SCFD1: variants seen among roughly 807,000 people sequenced by gnomAD.
SCFD1 encodes sec1 family domain containing 1, also known as sec1 family domain-containing protein 1.
In SCFD1, 37 loss-of-function variants were observed where a neutral mutation model predicts 103.2. The ratio of observed to expected loss-of-function variants is 0.36; its 90% confidence interval spans 0.28 to 0.47. The LOEUF is 0.47. SCFD1 is among the 20% of genes least tolerant of loss of function. The pLI, the probability that SCFD1 is intolerant of heterozygous loss-of-function variation, is 1.00. For missense variants in SCFD1, 639 were observed against 761.2 expected, an observed-to-expected ratio of 0.84 and a Z score of 1.89; for synonymous variants, 264 against 245.0, an observed-to-expected ratio of 1.08 and a Z score of -0.73.
rs114869481 is a variant in SCFD1 at position 30,657,074 on chromosome 14, A to G, written c.855+3486A>G. 5.2e-3 allele frequency among the ~76,000 whole-genome samples: 799 copies of G among 152,242 alleles called. 9 individuals are homozygous for G. Among genetic ancestry groups the G allele is most frequent in the African/African-American group, 0.018 (733 of 41,544 alleles). ...AAGTGTCTTAATAAGAGCATAGCAT[A>G]CAGATCACGGGTGCCTCATCACACC... On this transcript the variant is annotated intron_variant, in intron 10 of 24. Transcript: ENST00000458591.
At chr14:30,667,669 C>G (rs1888124717) in intron 10 of SCFD1, among the ~76,000 whole-genome samples, 1 of 152,198 alleles carries the variant, frequency 6.6e-6, no homozygotes, top group African/African-American at 2.4e-5. Context: ...ATTGTCTCAG[C>G]CCAGAATCTC....
intron 6 of SCFD1, among the ~76,000 whole-genome samples, chr14:30,642,147 G>A (rs571467102): frequency 3.3e-4 from 50 of 152,114 alleles, no homozygotes; most frequent in African/African-American, 1.0e-3. Context: ...GAGTGCAGTG[G>A]TATGATCTCA....
At chr14:30,732,088 A>G (rs11628284) in intron 23 of SCFD1, among the ~76,000 whole-genome samples, 11,923 of 152,226 alleles carry the variant, frequency 0.078, 762 homozygotes, top group African/African-American at 0.17. Context: ...TGTCAAAGAC[A>G]AAAGGCATTT....
At chr14:30,726,897 A>G (rs1893080523) in intron 23 of SCFD1, among the ~76,000 whole-genome samples, 3 of 152,202 alleles carry the variant, frequency 2.0e-5, no homozygotes, top group African/African-American at 7.2e-5. Flanking sequence ...GTTTCTGCCC[A>G]AATTGGTTTA....
chr14:30,635,749 C>T (rs141440974), intron 4 of SCFD1, among the ~76,000 whole-genome samples: 3 of 152,052 alleles, frequency 2.0e-5, no homozygotes, highest in Non-Finnish European at 2.9e-5. Context: ...GACATGTTTT[C>T]AATTCTCTTG....
chr14:30,623,161 A>G (rs1405787913), intron 1 of SCFD1, among the ~76,000 whole-genome samples: 1 of 152,184 alleles, frequency 6.6e-6, no homozygotes, highest in Admixed American at 6.5e-5. Context: ...GCTACAAACT[A>G]AAGGTTTATA....
chr14:30,694,705 A>C lies in SCFD1; in HGVS notation c.1243-68A>C, dbSNP rs899050148. ...TTGATCATAGAAAATAGAAACTTAT[A>C]AGGTGAGTAGATCATTATGTATTTT... On this transcript the variant is annotated intron_variant, in intron 14 of 24. Coordinates refer to ENST00000458591, the MANE Select transcript of SCFD1 (RefSeq NM_016106.4). 2.6e-5 allele frequency: 39 copies of C among 1,492,914 alleles called. No individual in the cohort carries two copies. The African/African-American group carries it at 5.5e-4, about 21-fold the overall frequency. The allele number at this position is 1,492,914 out of a possible 1,614,324, so 92.5% of individuals were successfully genotyped here. A position where few individuals can be genotyped will look rare whatever the true frequency, so the allele number is the denominator to read the frequency against.
intron 23 of SCFD1, among the ~76,000 whole-genome samples, chr14:30,725,622 T>G (rs1271499535): frequency 6.6e-6 from 1 of 152,176 alleles, no homozygotes; most frequent in Non-Finnish European, 1.5e-5. Context: ...TAGGATCATG[T>G]CATCTGCATA....
chr14:30,699,891 C>G (rs1019473875), intron 15 of SCFD1, among the ~76,000 whole-genome samples: 1 of 152,186 alleles, frequency 6.6e-6, no homozygotes, highest in Non-Finnish European at 1.5e-5. Context: ...TGCTTATATC[C>G]TTTCCTTTCA....
intron 23 of SCFD1, among the ~76,000 whole-genome samples, chr14:30,724,355 C>T (rs550216416): frequency 4.1e-5 from 6 of 145,924 alleles, no homozygotes; most frequent in South Asian, 2.2e-4. Flanking sequence ...CAGATTCAAG[C>T]GATTCTCCTG....
chr14:30,717,798 T>G (rs1438147183), intron 20 of SCFD1, among the ~76,000 whole-genome samples: 1 of 150,666 alleles, frequency 6.6e-6, no homozygotes, highest in Admixed American at 6.6e-5. Flanking sequence ...GCAGGAGAAT[T>G]GCTTGAACCT....
chr14:30,725,633 C>T (rs758754125), intron 23 of SCFD1, among the ~76,000 whole-genome samples: 1 of 152,122 alleles, frequency 6.6e-6, no homozygotes, highest in Non-Finnish European at 1.5e-5. Flanking sequence ...CATCTGCATA[C>T]AGAGACAGTT....
chr14:30,662,924 T>G (rs151310087), intron 10 of SCFD1, among the ~76,000 whole-genome samples: 1 of 152,180 alleles, frequency 6.6e-6, no homozygotes, highest in Non-Finnish European at 1.5e-5. Context: ...GTTAGGAAAA[T>G]GTGACTGTCA....
At chr14:30,705,993 A>T in intron 18 of SCFD1, 108 bp downstream of exon 18, 1 of 833,416 alleles carries the variant, frequency 1.2e-6, no homozygotes, top group East Asian at 2.6e-5. Context: ...AAATGTCACC[A>T]TGCCTTTGGT....
At chr14:30,722,458 C>G (rs764725255) in intron 22 of SCFD1, 36 bp from the exon 23 acceptor site, 5 of 1,390,482 alleles carry the variant, frequency 3.6e-6, no homozygotes, top group Middle Eastern at 1.9e-4. Flanking sequence ...AGACTAAAAA[C>G]TGTGTTTTTT....
chr14:30,726,992 C>T (rs953301416), intron 23 of SCFD1, among the ~76,000 whole-genome samples: 1 of 152,062 alleles, frequency 6.6e-6, no homozygotes. Context: ...CTTTCAGGAA[C>T]CTTTTGAGAG....
chr14:30,704,821 G>A (rs1789441107), intron 17 of SCFD1, among the ~76,000 whole-genome samples: 1 of 152,108 alleles, frequency 6.6e-6, no homozygotes, highest in African/African-American at 2.4e-5. Flanking sequence ...CCACTAAAAT[G>A]TGTTATAAAA....
chr14:30,630,788 C>CCTG, intron 3 of SCFD1: 1 of 457,608 alleles, frequency 2.2e-6, no homozygotes, highest in Non-Finnish European at 3.8e-6. Context: ...TTGGTTTACC[C>CCTG]TCTATGTAAA....
At chr14:30,706,553 A>G (rs1891481939) in intron 18 of SCFD1, among the ~76,000 whole-genome samples, 1 of 152,326 alleles carries the variant, frequency 6.6e-6, no homozygotes, top group Non-Finnish European at 1.5e-5. Flanking sequence ...ACCAATGTTG[A>G]TAACTAATAT....
Sources: gnomAD v4.1 joint callset for allele counts (sites outside exome capture counted in the v4.1 genomes callset) on GRCh38, gnomAD v4.1.1 for gene constraint, MANE v1.5 for transcripts, NCBI Gene and HGNC (gene_info 2026-07-23, HGNC 2026-07-21) for gene names.